The following TENT4B variants were observed in gnomAD, a reference collection of about 807,000 sequenced individuals.
TENT4B encodes terminal nucleotidyltransferase 4B.
In TENT4B, 10 loss-of-function variants were observed where a neutral mutation model predicts 75.0. The observed-to-expected ratio is 0.13, with a 90% CI of 0.08 to 0.23. TENT4B has a LOEUF of 0.23. Among genes scored for constraint, TENT4B ranks in the 10% least tolerant of loss-of-function variants. The pLI, the probability that TENT4B is intolerant of heterozygous loss-of-function variation, is 1.00. For synonymous variants in TENT4B, 350 were observed against 357.7 expected, an observed-to-expected ratio of 0.98 and a Z score of 0.24; for missense variants, 579 against 893.8, an observed-to-expected ratio of 0.65 and a Z score of 4.49.
Position 50,229,609 on chromosome 16 carries a change from G to A in TENT4B, c.*281G>A. 8.9e-7 allele frequency: 1 copy of A among 1,126,228 alleles called. No homozygotes were observed. Among genetic ancestry groups the A allele is most frequent in the East Asian group, 5.0e-5 (1 of 20,076 alleles). 69.8% of individuals were successfully genotyped at this position (1,126,228 alleles called of 1,614,324 possible). A position where few individuals can be genotyped will look rare whatever the true frequency, so the allele number is the denominator to read the frequency against. On this transcript the variant is annotated 3_prime_UTR_variant, in exon 12 of 12. Coordinates refer to ENST00000561678, the MANE Select transcript of TENT4B (RefSeq NM_001365324.3). ...AGGGTCATTTTAAGATTTAAAGCTT[G>A]AATGTAAAATAAATATATTTCTCAT...
chr16:50,196,343 TAGG>T (rs1399350636), intron 1 of TENT4B, among the ~76,000 whole-genome samples: 1 of 98,918 alleles, frequency 1.0e-5, no homozygotes, highest in African/African-American at 2.7e-5. Flanking sequence ...GTTACCTAAT[TAGG>T]AGTGTGAAAA....
At chr16:50,155,268 C>CATGGGTGTGTGTGT (rs1555506859) in intron 1 of TENT4B, among the ~76,000 whole-genome samples, 15 of 30,148 alleles carry the variant, frequency 5.0e-4, no homozygotes, top group Admixed American at 4.2e-3. Context: ...TTTTGGGTCT[C>CATGGGTGTGTGTGT]GTGGGTGTGT....
chr16:50,188,210 T>C (rs7191171), intron 1 of TENT4B, among the ~76,000 whole-genome samples: 101,564 of 152,164 alleles, frequency 0.67, 35,794 homozygotes, highest in Non-Finnish European at 0.77. Context: ...ATTGTTGCTG[T>C]GGCAGATTTG....
chr16:50,227,856 A>G lies in TENT4B; in HGVS notation c.1818A>G (p.Pro606=), dbSNP rs751688985. The change falls in exon 11 of 12, where the codon CCA becomes CCG. Residue 606 remains proline, a synonymous_variant. Transcript: ENST00000561678. ...TGTGTTAGGATTCCGATGCAACACC[A>G]TGCAAAACCCCGAAACAGCTGCTTT... is the stretch of plus-strand genomic sequence containing the variant. ...SSSDVDSDAT[P]CKTPKQLLCR... is the part of the protein sequence containing the mutation. 6 of 1,613,920 alleles carry G rather than the reference A, an allele frequency of 3.7e-6. No homozygotes were observed. Among genetic ancestry groups the G allele is most frequent in the Non-Finnish European group, 5.1e-6 (6 of 1,179,902 alleles).
At chr16:50,214,130 C>CA (rs1285034923) in intron 2 of TENT4B, 91 bp from the exon 3 acceptor site, 6 of 1,030,984 alleles carry the variant, frequency 5.8e-6, no homozygotes, top group Non-Finnish European at 8.8e-6. Flanking sequence ...TAGAGGGTAG[C>CA]AAAAACTGAC....
intron 1 of TENT4B, among the ~76,000 whole-genome samples, chr16:50,157,175 G>A (rs553283796): frequency 6.6e-6 from 1 of 152,280 alleles, no homozygotes; most frequent in African/African-American, 2.4e-5. Flanking sequence ...TAGTCCAGAT[G>A]GGGAGAGGAG....
intron 1 of TENT4B, among the ~76,000 whole-genome samples, chr16:50,171,800 A>C (rs918299321): frequency 6.6e-6 from 1 of 152,004 alleles, no homozygotes; most frequent in Admixed American, 6.6e-5. Context: ...CCATGTGCCT[A>C]CTAAAAATAC....
In TENT4B at chr16:50,211,338, C is replaced by T; in HGVS notation, c.654C>T (p.Ile218=). The T allele has an allele frequency of 6.2e-7, 1 of 1,606,810 alleles. No individual in the cohort carries two copies. Among genetic ancestry groups the T allele is most frequent in the Non-Finnish European group, 8.5e-7 (1 of 1,177,838 alleles). ...TTTTCTTCAGTCTGCATGAAGAAATCAGTGATTTTTATGAATACATGTCTC... is the reference window on the plus strand; with the variant it reads ...TTTTCTTCAGTCTGCATGAAGAAATTAGTGATTTTTATGAATACATGTCTC... ...NQGVVGLHEE[I]SDFYEYMSPR... Residue 218 remains isoleucine (I), a synonymous_variant, in exon 2 of 12, where the codon ATC becomes ATT. Transcript: ENST00000561678.
intron 1 of TENT4B, among the ~76,000 whole-genome samples, chr16:50,163,892 T>A (rs889176300): frequency 2.0e-5 from 3 of 151,678 alleles, no homozygotes; most frequent in Non-Finnish European, 4.4e-5. Flanking sequence ...GTGCGATGGC[T>A]CACGCCTGTA....
At chr16:50,171,044 A>G (rs1212778605) in intron 1 of TENT4B, among the ~76,000 whole-genome samples, 1 of 148,204 alleles carries the variant, frequency 6.7e-6, no homozygotes, top group Non-Finnish European at 1.5e-5. Context: ...CCGTCCTCCT[A>G]CCTTAGCCTC....
intron 1 of TENT4B, among the ~76,000 whole-genome samples, chr16:50,175,172 T>C (rs967227324): frequency 6.6e-6 from 1 of 152,224 alleles, no homozygotes; most frequent in Non-Finnish European, 1.5e-5. Flanking sequence ...CTTCTTTGTA[T>C]ATTTTGGATA....
Position 50,234,832 on chromosome 16 carries a change from A to G in TENT4B, c.*5504A>G, listed in dbSNP as rs2032398933. ...AAGGACTGTTGAGTTAAACATTTTT[A>G]GTGGAATATACATAGATAACGTGTA... is the stretch of plus-strand genomic sequence containing the variant. On this transcript the variant is annotated 3_prime_UTR_variant, in exon 12 of 12. Coordinates refer to ENST00000561678, the MANE Select transcript of TENT4B (RefSeq NM_001365324.3). 1 of 985,588 alleles carries G rather than the reference A, an allele frequency of 1.0e-6. No individual in the cohort carries two copies. Among genetic ancestry groups the G allele is most frequent in the South Asian group, 4.7e-5 (1 of 21,298 alleles). The allele number at this position is 985,588 out of a possible 1,614,324, so 61.1% of individuals were successfully genotyped here.
In TENT4B at chr16:50,227,934, C is replaced by T. The variant is rs2150751886; in HGVS notation, c.1896C>T (p.Ser632=). Residue 632 remains serine (S), a synonymous_variant, in exon 11 of 12, where the codon TCC becomes TCT. Coordinates refer to ENST00000561678, the MANE Select transcript of TENT4B (RefSeq NM_001365324.3). ...RVGSQDVSLE[S]SQAVGKMQST... ...GGTCGCAAGATGTATCCTTGGAGTCCTCTCAGGCAGTTGGGAAAATGCAAA... is the reference window on the plus strand; with the variant it reads ...GGTCGCAAGATGTATCCTTGGAGTCTTCTCAGGCAGTTGGGAAAATGCAAA... The T allele has an allele frequency of 1.2e-6, 2 of 1,613,982 alleles. No homozygotes were observed. The highest frequency in any genetic ancestry group is 1.7e-6 in the Non-Finnish European group (2 of 1,179,898).
chr16:50,159,267 G>A (rs1424717619), intron 1 of TENT4B, among the ~76,000 whole-genome samples: 1 of 146,820 alleles, frequency 6.8e-6, no homozygotes, highest in African/African-American at 2.5e-5. Context: ...TTTTTTAGAC[G>A]GAGTTTCACT....
intron 1 of TENT4B, among the ~76,000 whole-genome samples, chr16:50,163,749 T>C (rs1049441923): frequency 6.6e-6 from 1 of 151,968 alleles, no homozygotes; most frequent in African/African-American, 2.4e-5. Context: ...GACTTTTTAG[T>C]GTTTTTATAT....
intron 1 of TENT4B, among the ~76,000 whole-genome samples, chr16:50,187,580 C>T (rs144427841): frequency 4.4e-4 from 67 of 152,254 alleles, no homozygotes; most frequent in African/African-American, 1.5e-3. Flanking sequence ...GAGACTCCAT[C>T]GTGCGGGGTG....
At chr16:50,175,548 G>A (rs2038290537) in intron 1 of TENT4B, among the ~76,000 whole-genome samples, 1 of 152,064 alleles carries the variant, frequency 6.6e-6, no homozygotes, top group Middle Eastern at 3.4e-3. Flanking sequence ...GCAGTGGCGC[G>A]ATCTCGGCTC....
intron 3 of TENT4B, among the ~76,000 whole-genome samples, chr16:50,214,872 T>C (rs1471833737): frequency 6.6e-6 from 1 of 152,188 alleles, no homozygotes; most frequent in African/African-American, 2.4e-5. Context: ...CTGACACAGA[T>C]GTTAATGTAG....
Position 50,229,781 on chromosome 16 carries a change from G to A in TENT4B, c.*453G>A, listed in dbSNP as rs1838507722. On this transcript the variant is annotated 3_prime_UTR_variant, in exon 12 of 12. Transcript: ENST00000561678. ...CCAAAGGGGAAAGTGATCTGTGCAT[G>A]TTTTTTTTTTAAATATTTTTGCATA... The A allele has an allele frequency of 1.1e-6, 1 of 887,506 alleles. No individual in the cohort carries two copies. The highest frequency in any genetic ancestry group is 1.3e-6 in the Non-Finnish European group (1 of 742,298). The allele number at this position is 887,506 out of a possible 1,614,324, so 55.0% of individuals were successfully genotyped here.
Sources: gnomAD v4.1 joint callset for allele counts (sites outside exome capture counted in the v4.1 genomes callset) on GRCh38, gnomAD v4.1.1 for gene constraint, MANE v1.5 for transcripts, NCBI Gene and HGNC (gene_info 2026-07-23, HGNC 2026-07-21) for gene names.